Variants in MBTD1 observed in about 807,000 individuals in gnomAD.
MBTD1 encodes the protein MBT domain-containing protein 1.
Under a neutral mutation model 87.8 loss-of-function variants are expected in MBTD1, and 24 were observed. The ratio of observed to expected loss-of-function variants is 0.27; its 90% CI spans 0.20 to 0.38. The LOEUF is 0.38. MBTD1 is among the 10% of genes least tolerant of loss of function. The pLI is 1.00. For synonymous variants in MBTD1, 237 were observed against 248.6 expected, an observed-to-expected ratio of 0.95 and a Z score of 0.44; for missense variants, 436 against 760.2, an observed-to-expected ratio of 0.57 and a Z score of 5.02.
chr17:51,196,599 A>C (rs1256128187), intron 12 of MBTD1, among the ~76,000 whole-genome samples: 1 of 151,964 alleles, frequency 6.6e-6, no homozygotes, highest in Non-Finnish European at 1.5e-5. Flanking sequence ...CCACTATATT[A>C]AAAATATTTT....
At chr17:51,228,902 G>A (rs1297078902) in intron 2 of MBTD1, among the ~76,000 whole-genome samples, 1 of 140,510 alleles carries the variant, frequency 7.1e-6, no homozygotes, top group African/African-American at 2.6e-5. Flanking sequence ...CTTCTCGGGG[G>A]TGGGTGGGTG....
At chr17:51,204,339 C>G (rs2143164675) in intron 7 of MBTD1, among the ~76,000 whole-genome samples, 1 of 152,072 alleles carries the variant, frequency 6.6e-6, no homozygotes, top group East Asian at 1.9e-4. Flanking sequence ...TTACTACAAC[C>G]TTGGCCTCCT....
chr17:51,222,929 T>C (rs1357884017), intron 3 of MBTD1, among the ~76,000 whole-genome samples: 2 of 152,016 alleles, frequency 1.3e-5, no homozygotes, highest in African/African-American at 2.4e-5. Flanking sequence ...GCCTCCTGAA[T>C]AGCTGGGACT....
At position 51,192,763 on chromosome 17, in the gene MBTD1, T is replaced by A; in HGVS notation, c.1690+19A>T. The A allele has an allele frequency of 6.2e-7, 1 of 1,612,496 alleles. No individual in the cohort carries two copies. The highest frequency in any genetic ancestry group is 1.1e-5 in the South Asian group (1 of 91,046). On this transcript the variant is annotated intron_variant, in intron 15 of 16. Coordinates refer to ENST00000586178, the MANE Select transcript of MBTD1 (RefSeq NM_017643.3). ...TGCTGATTTTTACAAAAGGACACCT[T>A]TTCTGTATACCAACTTACACTGTGA...
At chr17:51,259,506 A>C (rs918504850) in intron 1 of MBTD1, among the ~76,000 whole-genome samples, 1 of 152,056 alleles carries the variant, frequency 6.6e-6, no homozygotes, top group African/African-American at 2.4e-5. Flanking sequence ...CTAAAAAAGG[A>C]AAAGTCTCGG....
intron 12 of MBTD1, among the ~76,000 whole-genome samples, chr17:51,198,553 C>T (rs1038462567): frequency 2.6e-5 from 4 of 152,230 alleles, no homozygotes; most frequent in African/African-American, 9.7e-5. Flanking sequence ...ATACAGGTGA[C>T]TAGACTAGGG....
chr17:51,208,508 C>T (rs1182277712), intron 6 of MBTD1, among the ~76,000 whole-genome samples: 1 of 152,142 alleles, frequency 6.6e-6, no homozygotes, highest in Non-Finnish European at 1.5e-5. Context: ...AAAGGAGACA[C>T]TAGAAAGAAG....
At chr17:51,252,702 CCA>C (rs2054860180) in intron 2 of MBTD1, among the ~76,000 whole-genome samples, 1 of 151,442 alleles carries the variant, frequency 6.6e-6, no homozygotes, top group Admixed American at 6.6e-5. Flanking sequence ...CTACTGCACT[CCA>C]GTCTGGGCGA....
intron 2 of MBTD1, among the ~76,000 whole-genome samples, chr17:51,229,660 CTTTTTTTTT>C (rs36024708): frequency 1.7e-5 from 2 of 117,800 alleles, no homozygotes; most frequent in African/African-American, 7.4e-5. Context: ...TTTTAGTATA[CTTTTTTTTT>C]TTTTTTTTTG....
upstream of MBTD1, chr17:51,260,166 C>G (rs2055395965): frequency 2.6e-6 from 1 of 383,548 alleles, no homozygotes; most frequent in Non-Finnish European, 4.6e-6. Context: ...GCTCCGTACT[C>G]CAAGGACCGT....
intron 6 of MBTD1, among the ~76,000 whole-genome samples, chr17:51,207,832 G>A (rs184734885): frequency 1.3e-5 from 2 of 152,222 alleles, no homozygotes; most frequent in African/African-American, 2.4e-5. Flanking sequence ...TTATGCAATG[G>A]TAAATTAAAT....
At chr17:51,207,094 G>A in intron 6 of MBTD1, 89 bp from the exon 7 acceptor site, 1 of 615,812 alleles carries the variant, frequency 1.6e-6, no homozygotes, top group South Asian at 2.7e-5. Flanking sequence ...TCAATAATAG[G>A]AATATTAAAC....
At chr17:51,184,349 C>T (rs1398440230) in intron 16 of MBTD1, 1 of 152,218 alleles carries the variant, frequency 6.6e-6, no homozygotes, top group Non-Finnish European at 1.5e-5. Flanking sequence ...TTTGTTGACA[C>T]TAATCACTAC....
rs1568136242 is a variant in MBTD1, at chr17:51,179,515, T to TATATATATATTC, written c.*1060_*1061insGAATATATATAT. Reference sequence around the variant, plus strand: ...ATATATATATATATATATATATATATATATATATATATATATATATATGGA... The same window carrying TATATATATATTC: ...ATATATATATATATATATATATATATATATATATATTCATATATATATATATATATATATGGA... On this transcript the variant is annotated 3_prime_UTR_variant, in exon 17 of 17. Transcript: ENST00000586178. 9.9e-6 allele frequency: 1 copy of TATATATATATTC among 101,510 alleles called. No homozygotes were observed. Among genetic ancestry groups the TATATATATATTC allele is most frequent in the African/African-American group, 3.7e-5 (1 of 27,222 alleles). 6.3% of individuals were successfully genotyped at this position (101,510 alleles called of 1,614,324 possible). A position where few individuals can be genotyped will look rare whatever the true frequency, so the allele number is the denominator to read the frequency against.
chr17:51,260,800 C>G (rs1458676647), upstream of MBTD1: 5 of 1,582,198 alleles, frequency 3.2e-6, no homozygotes, highest in East Asian at 4.6e-5. Context: ...AGAGACGGCT[C>G]CGGCAGCGGA....
intron 9 of MBTD1, 81 bp from the exon 10 acceptor site, chr17:51,203,016 C>T: frequency 1.6e-6 from 2 of 1,274,822 alleles, no homozygotes; most frequent in East Asian, 4.6e-5. Flanking sequence ...GTAAAAAATA[C>T]TGAATGCACT....
intron 3 of MBTD1, among the ~76,000 whole-genome samples, chr17:51,222,690 C>T (rs1037846743): frequency 1.3e-5 from 2 of 152,102 alleles, no homozygotes; most frequent in South Asian, 2.1e-4. Context: ...GAGCCACCAA[C>T]GCCCAGCGAC....
rs531902473 is a variant in MBTD1, at chr17:51,192,122, T to G, written c.1768+81A>C. The G allele has an allele frequency of 5.3e-5, 53 of 994,664 alleles. No individual in the cohort carries two copies. The African/African-American group carries it at 8.1e-4, about 15-fold the overall frequency. 61.6% of individuals were successfully genotyped at this position (994,664 alleles called of 1,614,324 possible). A position where few individuals can be genotyped will look rare whatever the true frequency, so the allele number is the denominator to read the frequency against. ...CACAATCATCAGTTCTCACAAGATA[T>G]ATCATTTTCTGTCCAAGAATACTGT... is the stretch of plus-strand genomic sequence containing the variant. On this transcript the variant is annotated intron_variant, in intron 16 of 16. Transcript: ENST00000586178.
intron 1 of MBTD1, 32 bp downstream of exon 1, chr17:51,259,803 C>T: frequency 8.1e-7 from 1 of 1,232,668 alleles, no homozygotes; most frequent in Non-Finnish European, 1.0e-6. Context: ...CCCCACCTGG[C>T]ACACAAAGCG....
Sources: allele counts gnomAD v4.1 joint callset (sites outside exome capture counted in the v4.1 genomes callset), GRCh38; gene constraint gnomAD v4.1.1; transcripts MANE v1.5; gene names NCBI Gene and HGNC (gene_info 2026-07-23, HGNC 2026-07-21).